Variants in ZBBX observed in about 807,000 individuals in gnomAD.
The protein encoded by ZBBX is zinc finger B-box domain containing.
A neutral mutation model predicts 108.5 loss-of-function variants in ZBBX; 101 were observed. The observed-to-expected ratio is 0.93, with a 90% CI of 0.79 to 1.10. ZBBX has a LOEUF of 1.10. ZBBX is among the 50% of genes least tolerant of loss of function. The probability of loss-of-function intolerance (pLI) is 0.00; values close to 1 mark genes in which losing one functional copy is unlikely to be tolerated. For synonymous variants in ZBBX, 356 were observed against 323.4 expected (o/e 1.10, Z -1.08); for missense variants, 1,009 against 941.4 (o/e 1.07, Z -0.94).
chr3:167,344,780 C>A (rs1741158259), intron 9 of ZBBX, among the ~76,000 whole-genome samples: 1 of 151,772 alleles, frequency 6.6e-6, no homozygotes, highest in Non-Finnish European at 1.5e-5. Flanking sequence ...GTTTCAGTTA[C>A]AAAGCCCACT....
At chr3:167,399,733 T>C (rs1748360218) in intron 1 of ZBBX, among the ~76,000 whole-genome samples, 1 of 152,188 alleles carries the variant, frequency 6.6e-6, no homozygotes. Context: ...TTTAGCCTCA[T>C]GGATACACAT....
intron 19 of ZBBX, among the ~76,000 whole-genome samples, chr3:167,283,547 T>C (rs1729178844): frequency 6.6e-6 from 1 of 152,196 alleles, no homozygotes; most frequent in African/African-American, 2.4e-5. Flanking sequence ...AACATTGTTC[T>C]CACTCTAGTG....
chr3:167,358,959 A>G (rs1277836160), intron 8 of ZBBX, among the ~76,000 whole-genome samples: 6 of 131,814 alleles, frequency 4.6e-5, no homozygotes, highest in East Asian at 4.8e-4. Context: ...AAAAAAAAAA[A>G]AAAGAGAGAG....
intron 20 of ZBBX, among the ~76,000 whole-genome samples, chr3:167,250,695 C>T (rs1722434516): frequency 6.6e-6 from 1 of 152,030 alleles, no homozygotes; most frequent in Admixed American, 6.6e-5. Context: ...GCAGCAAAGA[C>T]AGGTCACAGT....
At chr3:167,267,846 G>A (rs962370800) in intron 20 of ZBBX, among the ~76,000 whole-genome samples, 10 of 152,128 alleles carry the variant, frequency 6.6e-5, no homozygotes, top group South Asian at 4.1e-4. Context: ...TCCAGCGCAT[G>A]GGATCCCCTA....
At position 167,322,175 on chromosome 3, in the gene ZBBX, C is replaced by A; in HGVS notation, c.925G>T (p.Glu309Ter). The change falls in exon 12 of 22, where the codon GAA becomes TAA. Residue 309 changes from glutamate to a stop codon, truncating the protein, a stop_gained. Transcript: ENST00000675490. LOFTEE classifies it high-confidence loss of function. ...TAGGATAGAATGTCTTCTTTAAGTT[C>A]AATATTAAGTGGTTCTCTCCAAATT... ...LKIWREPLNI[E>*]LKEDILSYME... 1 of 1,465,462 alleles carries A rather than the reference C, an allele frequency of 6.8e-7. No homozygotes were observed. The highest frequency in any genetic ancestry group is 1.6e-5 in the South Asian group (1 of 64,064). 90.8% of individuals were successfully genotyped at this position (1,465,462 alleles called of 1,614,324 possible).
At chr3:167,330,945 T>TTCTTTCTCTCTCTCTCTCTCTC (rs1553820808) in intron 10 of ZBBX, among the ~76,000 whole-genome samples, 4 of 87,172 alleles carry the variant, frequency 4.6e-5, no homozygotes, top group African/African-American at 1.7e-4. Context: ...CTCTCTTTCT[T>TTCTTTCTCTCTCTCTCTCTCTC]TCTCTCTCTC....
chr3:167,268,999 A>T (rs139829176), intron 20 of ZBBX, among the ~76,000 whole-genome samples: 9 of 152,268 alleles, frequency 5.9e-5, no homozygotes, highest in African/African-American at 2.2e-4. Context: ...GCTGGGAGAG[A>T]AGAAGGACAA....
chr3:167,229,205 CT>C, the ZBBX span, among the ~76,000 whole-genome samples: 1 of 151,772 alleles, frequency 6.6e-6, no homozygotes, highest in African/African-American at 2.4e-5. Context: ...GCTATTTCTG[CT>C]ACGTAAGTTT....
At chr3:167,282,159 G>T (rs1392003779) in intron 20 of ZBBX, 79 bp downstream of exon 20, 2 of 1,411,014 alleles carry the variant, frequency 1.4e-6, no homozygotes, top group Non-Finnish European at 9.5e-7. Context: ...GGCTTGTTTT[G>T]TTAGCGCAAG....
At chr3:167,323,335 G>A (rs1160004147) in intron 11 of ZBBX, among the ~76,000 whole-genome samples, 1 of 151,752 alleles carries the variant, frequency 6.6e-6, no homozygotes, top group Non-Finnish European at 1.5e-5. Context: ...GAAGGGTGAT[G>A]GAAGAGGAAG....
chr3:167,327,739 C>A (rs1432128516), intron 11 of ZBBX, among the ~76,000 whole-genome samples: 3 of 151,798 alleles, frequency 2.0e-5, no homozygotes, highest in Non-Finnish European at 4.4e-5. Flanking sequence ...CATGGCAAAA[C>A]CCCGTCTCTA....
chr3:167,371,627 C>A (rs1746168008), intron 4 of ZBBX, among the ~76,000 whole-genome samples: 1 of 152,176 alleles, frequency 6.6e-6, no homozygotes, highest in African/African-American at 2.4e-5. Flanking sequence ...TAAATGTTTA[C>A]AGGTATAGAC....
At position 167,317,509 on chromosome 3, in the gene ZBBX, C is replaced by T; in HGVS notation, c.1072G>A (p.Glu358Lys). Reference protein sequence around the residue: ...TTGDAQCSQNENDEDSDGEET... With the variant: ...TTGDAQCSQNKNDEDSDGEET... ...TAACCATCACTATCTTCATCGTTTT[C>T]ATTTTGAGAACACTGTGCATCACCA... The change falls in exon 13 of 22, where the codon GAA becomes AAA. Residue 358 changes from glutamate to lysine, a missense_variant. Physicochemically the swap from Glu to Lys is moderately conservative, Grantham distance 56 (BLOSUM62 1). Transcript: ENST00000675490. 1 of 1,608,522 alleles carries T rather than the reference C, an allele frequency of 6.2e-7. No individual in the cohort carries two copies. Among genetic ancestry groups the T allele is most frequent in the Non-Finnish European group, 8.5e-7 (1 of 1,177,486 alleles).
intron 20 of ZBBX, among the ~76,000 whole-genome samples, chr3:167,280,868 T>C (rs1190605232): frequency 6.6e-6 from 1 of 152,094 alleles, no homozygotes; most frequent in Non-Finnish European, 1.5e-5. Context: ...TGTCCAACAA[T>C]GATAGACTGG....
At position 167,322,221 on chromosome 3, in the gene ZBBX, G is replaced by A. The variant is rs766281414; in HGVS notation, c.879C>T (p.Cys293=). The change falls in exon 12 of 22, where the codon TGC becomes TGT. Residue 293 remains cysteine (C), a synonymous_variant. Transcript: ENST00000675490. ...HAAVKDSLEE[C]EVQTNLKIWR... is the part of the protein sequence containing the mutation. Reference sequence around the variant, plus strand: ...AAATTTTCAGATTAGTCTGTACTTCGCATTCTTCCAATGAGTCTGTAAAAA... The same window carrying A: ...AAATTTTCAGATTAGTCTGTACTTCACATTCTTCCAATGAGTCTGTAAAAA... 39 of 1,463,836 alleles carry A rather than the reference G, an allele frequency of 2.7e-5. No individual in the cohort carries two copies. Among genetic ancestry groups the A allele is most frequent in the East Asian group, 5.2e-5 (2 of 38,444 alleles). 90.7% of individuals were successfully genotyped at this position (1,463,836 alleles called of 1,614,324 possible). A position where few individuals can be genotyped will look rare whatever the true frequency, so the allele number is the denominator to read the frequency against.
At chr3:167,350,381 A>G (rs752062526) in intron 9 of ZBBX, 39 bp downstream of exon 9, 1 of 1,479,754 alleles carries the variant, frequency 6.8e-7, no homozygotes, top group South Asian at 1.3e-5. Flanking sequence ...GAAACATTTT[A>G]TAAACACACT....
intron 20 of ZBBX, among the ~76,000 whole-genome samples, chr3:167,243,577 T>C (rs1051003692): frequency 6.6e-6 from 1 of 152,030 alleles, no homozygotes; most frequent in African/African-American, 2.4e-5. Context: ...TTTGTATTTT[T>C]AGTAGAGACG....
chr3:167,317,161 T>G, intron 13 of ZBBX, 56 bp from the exon 14 acceptor site: 1 of 1,218,786 alleles, frequency 8.2e-7, no homozygotes, highest in Non-Finnish European at 1.2e-6. Context: ...ACTTTATAAT[T>G]TCTTCAAATA....
Sources: gnomAD v4.1 joint callset for allele counts (sites outside exome capture counted in the v4.1 genomes callset) on GRCh38, gnomAD v4.1.1 for gene constraint, MANE v1.5 for transcripts, NCBI Gene and HGNC (gene_info 2026-07-23, HGNC 2026-07-21) for gene names.